The following CIAO2A variants were observed in gnomAD, a reference collection of about 807,000 sequenced individuals.
CIAO2A encodes cytosolic iron-sulfur assembly component 2A.
Under a neutral mutation model 22.4 loss-of-function variants are expected in CIAO2A, and 17 were observed. That is an observed-to-expected ratio of 0.76 (90% confidence interval 0.52 to 1.14). The LOEUF (loss-of-function observed/expected upper bound fraction) is 1.14. CIAO2A is among the 50% of genes most tolerant of loss of function. CIAO2A has a pLI of 0.00. For missense variants in CIAO2A, 192 were observed against 191.4 expected (o/e 1.00, Z -0.02); for synonymous variants, 74 against 72.3 (o/e 1.02, Z -0.12).
intron 3 of CIAO2A, among the ~76,000 whole-genome samples, chr15:64,079,624 C>G (rs936153805): frequency 1.3e-5 from 2 of 152,140 alleles, no homozygotes; most frequent in Admixed American, 1.3e-4. Flanking sequence ...TAGGTAGCAG[C>G]CAGGTAGAGA....
intron 1 of CIAO2A, among the ~76,000 whole-genome samples, chr15:64,090,685 TAG>T (rs1388893556): frequency 6.6e-6 from 1 of 152,054 alleles, no homozygotes; most frequent in African/African-American, 2.4e-5. Flanking sequence ...GCAGTTTCAG[TAG>T]AGAGTGCGTG....
chr15:64,086,289 G>GT (rs1332208477), intron 2 of CIAO2A, among the ~76,000 whole-genome samples: 1 of 151,768 alleles, frequency 6.6e-6, no homozygotes, highest in Non-Finnish European at 1.5e-5. Flanking sequence ...GCGGGCGCCT[G>GT]TAATTGCAGC....
chr15:64,072,794 C>T lies in CIAO2A; in HGVS notation c.*137G>A, dbSNP rs535993507. On this transcript the variant is annotated 3_prime_UTR_variant, in exon 5 of 5. Transcript: ENST00000300030. The stretch of plus-strand genomic sequence containing the variant: ...ATTAGGTACTACCTTATAATTAAAT[C>T]TCGCTTGGAAAGAATCCTTTAAAAA... 7.4e-6 allele frequency: 4 copies of T among 538,562 alleles called. No individual in the cohort carries two copies. The East Asian group carries it at 1.2e-4, about 16-fold the overall frequency. 33.4% of individuals were successfully genotyped at this position (538,562 alleles called of 1,614,324 possible).
intron 2 of CIAO2A, among the ~76,000 whole-genome samples, chr15:64,085,992 G>A (rs763306780): frequency 2.0e-5 from 3 of 151,898 alleles, no homozygotes; most frequent in African/African-American, 7.3e-5. Flanking sequence ...ACAAGAGTGA[G>A]CCACTGCACC....
Position 64,083,779 on chromosome 15 carries a change from T to C in CIAO2A, c.290-2628A>G, listed in dbSNP as rs150000489. On this transcript the variant is annotated intron_variant, in intron 2 of 4. Coordinates refer to ENST00000300030, the MANE Select transcript of CIAO2A (RefSeq NM_032231.7). The stretch of plus-strand genomic sequence containing the variant: ...GTAACATGGAGAAACCCCGTCTCTA[T>C]TGAAAATACAAAAAATTAGTTGGGC... 4.7e-3 allele frequency among the ~76,000 whole-genome samples: 718 copies of C among 151,872 alleles called. 5 individuals are homozygous for C. The highest frequency in any genetic ancestry group is 0.016 in the African/African-American group (667 of 41,430).
intron 3 of CIAO2A, among the ~76,000 whole-genome samples, chr15:64,077,960 T>G (rs56298739): frequency 0.045 from 6,896 of 152,280 alleles, 199 homozygotes; most frequent in South Asian, 0.085. Flanking sequence ...TAAGGGGGCA[T>G]TACAAATGCA....
rs558521539 is a variant in CIAO2A, at chr15:64,087,996, C to T, written c.289+691G>A. Among the ~76,000 whole-genome samples, 7 of 152,278 alleles carry T rather than the reference C, an allele frequency of 4.6e-5. No individual in the cohort carries two copies. In the East Asian group the frequency reaches 1.3e-3, roughly 29 times the overall value. On this transcript the variant is annotated intron_variant, in intron 2 of 4. Transcript: ENST00000300030. Reference sequence around the variant, plus strand: ...AGAGATCTCTCCATATCAGTACATGCAGAGCTTCTTCATTCTTTTTTATAG... The same window carrying T: ...AGAGATCTCTCCATATCAGTACATGTAGAGCTTCTTCATTCTTTTTTATAG...
At chr15:64,087,294 T>C (rs1008462875) in intron 2 of CIAO2A, among the ~76,000 whole-genome samples, 1 of 152,104 alleles carries the variant, frequency 6.6e-6, no homozygotes, top group Non-Finnish European at 1.5e-5. Context: ...GGTTTCACCA[T>C]GTTACCCAGG....
At chr15:64,078,406 G>A (rs2080734329) in intron 3 of CIAO2A, among the ~76,000 whole-genome samples, 1 of 152,090 alleles carries the variant, frequency 6.6e-6, no homozygotes, top group African/African-American at 2.4e-5. Context: ...AGGCTAAGGC[G>A]GGTGTATCAC....
chr15:64,081,592 C>A (rs1477401491), intron 2 of CIAO2A, among the ~76,000 whole-genome samples: 1 of 141,064 alleles, frequency 7.1e-6, no homozygotes, highest in Admixed American at 7.7e-5. Flanking sequence ...GGCTGGAGTG[C>A]AGTGGCATGA....
intron 1 of CIAO2A, among the ~76,000 whole-genome samples, chr15:64,092,372 C>T (rs571185968): frequency 1.3e-5 from 2 of 152,324 alleles, no homozygotes; most frequent in African/African-American, 4.8e-5. Context: ...AGGCCCAACT[C>T]AAGTGGCTCC....
chr15:64,089,624 A>G (rs1386143328), intron 1 of CIAO2A, among the ~76,000 whole-genome samples: 1 of 152,236 alleles, frequency 6.6e-6, no homozygotes, highest in Non-Finnish European at 1.5e-5. Flanking sequence ...TCTGACCATC[A>G]AGTGTCTTTT....
At chr15:64,078,146 T>C (rs549381907) in intron 3 of CIAO2A, among the ~76,000 whole-genome samples, 30 of 152,340 alleles carry the variant, frequency 2.0e-4, no homozygotes, top group African/African-American at 6.5e-4. Context: ...ATTATTTTCA[T>C]TTCAAATAAA....
chr15:64,086,517 C>CA (rs1448832164), intron 2 of CIAO2A, among the ~76,000 whole-genome samples: 1 of 152,160 alleles, frequency 6.6e-6, no homozygotes, highest in Non-Finnish European at 1.5e-5. Context: ...CCACAACACC[C>CA]ACAGCAGTAC....
intron 3 of CIAO2A, among the ~76,000 whole-genome samples, chr15:64,080,547 T>C (rs2080752237): frequency 6.6e-6 from 1 of 152,008 alleles, no homozygotes; most frequent in South Asian, 2.1e-4. Flanking sequence ...CTGGGCGTGG[T>C]GGTGGGCACC....
chr15:64,079,488 T>G (rs2080744943), intron 3 of CIAO2A, among the ~76,000 whole-genome samples: 1 of 152,150 alleles, frequency 6.6e-6, no homozygotes. Context: ...ATCACACCAC[T>G]GCACTCCAGC....
At chr15:64,091,016 T>C (rs2411151) in intron 1 of CIAO2A, among the ~76,000 whole-genome samples, 1 of 151,990 alleles carries the variant, frequency 6.6e-6, no homozygotes, top group Non-Finnish European at 1.5e-5. Context: ...AATGGTGAGG[T>C]AGAAAGGAAA....
chr15:64,081,216 A>G, intron 2 of CIAO2A, 65 bp from the exon 3 acceptor site: 1 of 1,509,036 alleles, frequency 6.6e-7, no homozygotes, highest in Non-Finnish European at 9.2e-7. Context: ...TTGAAAAAGC[A>G]TACAACTGCG....
intron 3 of CIAO2A, among the ~76,000 whole-genome samples, chr15:64,076,106 T>G (rs1247917452): frequency 6.6e-6 from 1 of 152,202 alleles, no homozygotes; most frequent in Admixed American, 6.5e-5. Flanking sequence ...AATTTTTTTA[T>G]GAATACACAA....
Sources: allele counts gnomAD v4.1 joint callset (sites outside exome capture counted in the v4.1 genomes callset), GRCh38; gene constraint gnomAD v4.1.1; transcripts MANE v1.5; gene names NCBI Gene and HGNC (gene_info 2026-07-23, HGNC 2026-07-21).